The following GLT1D1 variants were observed in gnomAD, a reference collection of about 807,000 sequenced individuals.
GLT1D1 encodes the protein glycosyltransferase 1 domain containing 1.
In GLT1D1, 21 loss-of-function variants were observed where a neutral mutation model predicts 28.7. The observed-to-expected ratio is 0.73, with a 90% confidence interval of 0.52 to 1.05. The LOEUF (loss-of-function observed/expected upper bound fraction) is 1.05. Among genes scored for constraint, GLT1D1 ranks in the 50% least tolerant of loss-of-function variants. The probability of loss-of-function intolerance (pLI) is 0.00; values close to 1 mark genes in which losing one functional copy is unlikely to be tolerated. For synonymous variants in GLT1D1, 147 were observed against 124.8 expected (o/e 1.18, Z -1.19); for missense variants, 343 against 330.6 (o/e 1.04, Z -0.29).
At chr12:128,901,100 A>G (rs1593104566) in intron 4 of GLT1D1, among the ~76,000 whole-genome samples, 1 of 152,132 alleles carries the variant, frequency 6.6e-6, no homozygotes. Flanking sequence ...GGCTTTTCTC[A>G]TGGTTTAAAA....
chr12:128,912,647 A>G lies in GLT1D1; in HGVS notation c.375+13360A>G, dbSNP rs562403746. Among the ~76,000 whole-genome samples, 835 of 152,190 alleles carry G rather than the reference A, an allele frequency of 5.5e-3. 5 individuals carry two copies. Among genetic ancestry groups the G allele is most frequent in the African/African-American group, 0.019 (793 of 41,512 alleles). On this transcript the variant is annotated intron_variant, in intron 4 of 7. Coordinates refer to ENST00000281703, the MANE Select transcript of GLT1D1 (RefSeq NM_144669.3). ...GATTTCTCAGATTTACTTAAAAATAATCAGTGAAATGGCTACTTTTTTTTT... is the reference window on the plus strand; with the variant it reads ...GATTTCTCAGATTTACTTAAAAATAGTCAGTGAAATGGCTACTTTTTTTTT...
intron 7 of GLT1D1, among the ~76,000 whole-genome samples, chr12:128,973,910 TGTGTAGGGG>T (rs201870238): frequency 0.013 from 945 of 71,270 alleles, 9 homozygotes; most frequent in African/African-American, 0.032. Flanking sequence ...GTAGGGGGTG[TGTGTAGGGG>T]GTGTGTGTGT....
intron 6 of GLT1D1, among the ~76,000 whole-genome samples, chr12:128,955,725 G>A (rs985072505): frequency 6.6e-6 from 1 of 151,932 alleles, no homozygotes; most frequent in African/African-American, 2.4e-5. Flanking sequence ...TTTCCAGCTG[G>A]GACTCCACGC....
At chr12:128,871,723 C>T (rs1956693080) in intron 1 of GLT1D1, among the ~76,000 whole-genome samples, 1 of 152,168 alleles carries the variant, frequency 6.6e-6, no homozygotes, top group South Asian at 2.1e-4. Context: ...TCCTCCTCCT[C>T]TGATCTTTGT....
intron 7 of GLT1D1, among the ~76,000 whole-genome samples, chr12:128,973,907 G>T (rs1431901245): frequency 8.6e-6 from 1 of 116,932 alleles, no homozygotes; most frequent in African/African-American, 3.0e-5. Flanking sequence ...TGTGTAGGGG[G>T]TGTGTGTAGG....
chr12:128,934,222 T>TA (rs11399664), intron 4 of GLT1D1, among the ~76,000 whole-genome samples: 1 of 146,944 alleles, frequency 6.8e-6, no homozygotes, highest in African/African-American at 2.5e-5. Flanking sequence ...TTTTTTTTTT[T>TA]AGATGGAGTG....
Position 128,983,173 on chromosome 12 carries a change from C to T in GLT1D1, c.*83C>T. 7.8e-7 allele frequency: 1 copy of T among 1,282,790 alleles called. No individual in the cohort carries two copies. 79.5% of individuals were successfully genotyped at this position (1,282,790 alleles called of 1,614,324 possible). On this transcript the variant is annotated 3_prime_UTR_variant, in exon 8 of 8. Coordinates refer to ENST00000281703, the MANE Select transcript of GLT1D1 (RefSeq NM_144669.3). The surrounding 1 kb of genome is among the most constrained non-coding windows in gnomAD (Gnocchi z 4.7). ...AGACAGAGTTCTGGATCACGTGGGC[C>T]CAGTGCAGTTCAAATAAAACCAGCC...
chr12:128,906,287 T>G (rs1870861171), intron 4 of GLT1D1, among the ~76,000 whole-genome samples: 1 of 152,248 alleles, frequency 6.6e-6, no homozygotes, highest in Admixed American at 6.5e-5. Flanking sequence ...ATATTCAGGA[T>G]GCAAACTTGA....
intron 3 of GLT1D1, among the ~76,000 whole-genome samples, chr12:128,896,977 CA>C (rs1797657151): frequency 6.6e-6 from 1 of 152,150 alleles, no homozygotes; most frequent in Non-Finnish European, 1.5e-5. Context: ...TATATTGATG[CA>C]GTTTCTCAAA....
Position 128,875,920 on chromosome 12 carries a change from T to C in GLT1D1, c.75T>C (p.His25=). 1 of 1,613,688 alleles carries C rather than the reference T, an allele frequency of 6.2e-7. No homozygotes were observed. The highest frequency in any genetic ancestry group is 1.7e-5 in the Admixed American group (1 of 59,948). ...TCTGTATTTTTTGATAAAGGGCCCATCTAGAGGCTGCAGGGCACGTGTGCG... is the reference window on the plus strand; with the variant it reads ...TCTGTATTTTTTGATAAAGGGCCCACCTAGAGGCTGCAGGGCACGTGTGCG... Residue 25 remains histidine, a synonymous_variant, in exon 2 of 8, where the codon CAT becomes CAC. Coordinates refer to ENST00000281703, the MANE Select transcript of GLT1D1 (RefSeq NM_144669.3).
At chr12:128,935,422 T>A (rs1026898487) in intron 4 of GLT1D1, among the ~76,000 whole-genome samples, 1 of 151,418 alleles carries the variant, frequency 6.6e-6, no homozygotes, top group African/African-American at 2.4e-5. Flanking sequence ...ATGCCTGTAA[T>A]CCCAGCTACT....
intron 7 of GLT1D1, among the ~76,000 whole-genome samples, chr12:128,978,660 A>G (rs1880026170): frequency 6.6e-6 from 1 of 152,172 alleles, no homozygotes; most frequent in Non-Finnish European, 1.5e-5. Context: ...GATCTGTCGC[A>G]AGGAAGAATT....
At chr12:128,957,053 GA>G (rs1385013434) in intron 6 of GLT1D1, among the ~76,000 whole-genome samples, 1 of 152,220 alleles carries the variant, frequency 6.6e-6, no homozygotes, top group Non-Finnish European at 1.5e-5. Flanking sequence ...CAGACCTTCG[GA>G]AATGGAAAGT....
At chr12:128,853,758 G>A in intron 1 of GLT1D1, 109 bp downstream of exon 1, 2 of 734,912 alleles carry the variant, frequency 2.7e-6, no homozygotes, top group Non-Finnish European at 1.7e-6. Flanking sequence ...AGCCGCGCCG[G>A]GGCCGTCCCG....
At chr12:128,953,023 C>G (rs77657680) in intron 6 of GLT1D1, among the ~76,000 whole-genome samples, 33,305 of 150,990 alleles carry the variant, frequency 0.22, 3,851 homozygotes, top group Admixed American at 0.31. Context: ...CTCAAGTGAT[C>G]CTCCCACCTC....
At chr12:128,912,059 G>A (rs1177659082) in intron 4 of GLT1D1, among the ~76,000 whole-genome samples, 2 of 152,022 alleles carry the variant, frequency 1.3e-5, no homozygotes, top group East Asian at 1.9e-4. Flanking sequence ...CCACCTCCAC[G>A]CAGGGGCGGG....
At chr12:128,867,249 C>T (rs1195825987) in intron 1 of GLT1D1, among the ~76,000 whole-genome samples, 6 of 151,312 alleles carry the variant, frequency 4.0e-5, no homozygotes, top group East Asian at 2.0e-4. Flanking sequence ...CAAAATTAGC[C>T]GGGCGTGGTG....
At chr12:128,981,115 T>C (rs1880277032) in intron 7 of GLT1D1, among the ~76,000 whole-genome samples, 1 of 152,246 alleles carries the variant, frequency 6.6e-6, no homozygotes, top group Non-Finnish European at 1.5e-5. Context: ...TTTCCTTTCC[T>C]TTCTTTCTGC....
intron 1 of GLT1D1, among the ~76,000 whole-genome samples, chr12:128,856,870 G>A (rs1264473559): frequency 6.6e-6 from 1 of 150,590 alleles, no homozygotes; most frequent in Non-Finnish European, 1.5e-5. Flanking sequence ...GGGAGGCAGA[G>A]GCTCAAGAAT....
Sources: gnomAD v4.1 joint callset for allele counts (sites outside exome capture counted in the v4.1 genomes callset) on GRCh38, gnomAD v4.1.1 for gene constraint, Gnocchi (gnomAD v3.1) non-coding constraint, MANE v1.5 for transcripts, NCBI Gene and HGNC (gene_info 2026-07-23, HGNC 2026-07-21) for gene names.